AGPAT3: variants seen among roughly 807,000 people sequenced by gnomAD.
AGPAT3 encodes 1-acyl-sn-glycerol-3-phosphate acyltransferase gamma.
Under a neutral mutation model 47.3 loss-of-function variants are expected in AGPAT3, and 5 were observed. That is an observed-to-expected ratio of 0.11 (90% confidence interval 0.06 to 0.22). The LOEUF is 0.22. Among genes scored for constraint, AGPAT3 ranks in the 10% least tolerant of loss-of-function variants. The pLI is 1.00. For synonymous variants in AGPAT3, 212 were observed against 208.3 expected (o/e 1.02, Z -0.15); for missense variants, 315 against 493.0 (o/e 0.64, Z 3.42).
chr21:43,969,834 A>G (rs562697047), intron 5 of AGPAT3, among the ~76,000 whole-genome samples: 1 of 152,052 alleles, frequency 6.6e-6, no homozygotes, highest in Non-Finnish European at 1.5e-5. Flanking sequence ...AGTAGCTGAC[A>G]TTACAGGTGC....
At chr21:43,874,746 C>CT (rs1438589049) in intron 1 of AGPAT3, among the ~76,000 whole-genome samples, 1 of 152,100 alleles carries the variant, frequency 6.6e-6, no homozygotes, top group Non-Finnish European at 1.5e-5. Context: ...GCATGGATTT[C>CT]TTTTTGTTTA....
intron 2 of AGPAT3, among the ~76,000 whole-genome samples, chr21:43,910,707 G>C (rs1002084522): frequency 6.6e-6 from 1 of 152,148 alleles, no homozygotes; most frequent in Non-Finnish European, 1.5e-5. Context: ...TCTGAAGTGT[G>C]ATGTATATGA....
Position 43,959,662 on chromosome 21 carries a change from A to AC in AGPAT3, c.-17dup. ...GGCTGTCCTCAGCGAGGGGCCGTGC[A>AC]CCCGCTCCTGAGCAGCGCCATGGGC... On this transcript the variant is annotated 5_prime_UTR_variant, in exon 3 of 10. Transcript: ENST00000291572. 1 of 1,610,942 alleles carries AC rather than the reference A, an allele frequency of 6.2e-7. No homozygotes were observed. The highest frequency in any genetic ancestry group is 1.3e-5 in the African/African-American group (1 of 75,000).
intron 1 of AGPAT3, among the ~76,000 whole-genome samples, chr21:43,888,121 G>A: frequency 6.6e-6 from 1 of 152,146 alleles, no homozygotes; most frequent in Non-Finnish European, 1.5e-5. Flanking sequence ...GCTCCCTGCA[G>A]CCTCAACCTC....
intron 1 of AGPAT3, among the ~76,000 whole-genome samples, chr21:43,877,799 C>G (rs1229933876): frequency 6.6e-6 from 1 of 152,120 alleles, no homozygotes; most frequent in Non-Finnish European, 1.5e-5. Context: ...AGGCCCATTC[C>G]CATCGTTGTT....
At chr21:43,910,783 A>G (rs1185754728) in intron 2 of AGPAT3, among the ~76,000 whole-genome samples, 1 of 152,246 alleles carries the variant, frequency 6.6e-6, no homozygotes, top group Non-Finnish European at 1.5e-5. Flanking sequence ...GTATTCTGCA[A>G]GGGAAGCTTT....
chr21:43,883,922 G>A (rs562258026), intron 1 of AGPAT3, among the ~76,000 whole-genome samples: 2 of 152,224 alleles, frequency 1.3e-5, no homozygotes, highest in African/African-American at 2.4e-5. Context: ...GAGAGACGGG[G>A]TTTCTCCATG....
chr21:43,879,051 TTTGAAA>T (rs2085796321), intron 1 of AGPAT3, among the ~76,000 whole-genome samples: 1 of 152,130 alleles, frequency 6.6e-6, no homozygotes, highest in Admixed American at 6.5e-5. Context: ...GTCTTCTAGT[TTTGAAA>T]TTCAACATGC....
intron 1 of AGPAT3, among the ~76,000 whole-genome samples, chr21:43,899,424 G>A (rs879556651): frequency 3.3e-5 from 5 of 152,164 alleles, no homozygotes; most frequent in Non-Finnish European, 7.3e-5. Flanking sequence ...AAGAAAGGAC[G>A]ACCACAGGAA....
chr21:43,955,326 C>A lies in AGPAT3; in HGVS notation c.-48-4308C>A. 1 of 1,004,198 alleles carries A rather than the reference C, an allele frequency of 1.0e-6. No homozygotes were observed. The highest frequency in any genetic ancestry group is 1.3e-6 in the Non-Finnish European group (1 of 792,292). 62.2% of individuals were successfully genotyped at this position (1,004,198 alleles called of 1,614,324 possible). A position where few individuals can be genotyped will look rare whatever the true frequency, so the allele number is the denominator to read the frequency against. Reference sequence around the variant, plus strand: ...ACTTGGATGGAAATGTTCCCTGTTGCAGTGTGGTGGGGTCACAGGCGGCTT... The same window carrying A: ...ACTTGGATGGAAATGTTCCCTGTTGAAGTGTGGTGGGGTCACAGGCGGCTT... On this transcript the variant is annotated intron_variant, in intron 2 of 9. Coordinates refer to ENST00000291572, the MANE Select transcript of AGPAT3 (RefSeq NM_020132.5). This position sits in a 1 kb window ranked among gnomAD's most constrained non-coding sequence, Gnocchi z 4.1.
intron 8 of AGPAT3, among the ~76,000 whole-genome samples, chr21:43,979,501 C>G (rs1471541691): frequency 6.6e-6 from 1 of 152,010 alleles, no homozygotes; most frequent in Non-Finnish European, 1.5e-5. Flanking sequence ...TAAAGATTTC[C>G]CCTCATTCAA....
chr21:43,935,658 T>G (rs1201132556), intron 2 of AGPAT3, among the ~76,000 whole-genome samples: 1 of 152,118 alleles, frequency 6.6e-6, no homozygotes, highest in Non-Finnish European at 1.5e-5. Context: ...TGCCTGGCAT[T>G]TGGGGAGTCT....
In AGPAT3 at chr21:43,985,011, G is replaced by A. The variant is rs2147000344; in HGVS notation, c.*2619G>A. On this transcript the variant is annotated 3_prime_UTR_variant, in exon 10 of 10. Transcript: ENST00000291572. Reference sequence around the variant, plus strand: ...ACAGGAAGGGCATTGCTGGCCTGTAGCTCCTGTTACCCACCCAGAGCCAGG... The same window carrying A: ...ACAGGAAGGGCATTGCTGGCCTGTAACTCCTGTTACCCACCCAGAGCCAGG... 1 of 431,416 alleles carries A rather than the reference G, an allele frequency of 2.3e-6. No homozygotes were observed. Among genetic ancestry groups the A allele is most frequent in the Non-Finnish European group, 4.7e-6 (1 of 214,430 alleles). The allele number at this position is 431,416 out of a possible 1,614,324, so 26.7% of individuals were successfully genotyped here.
intron 1 of AGPAT3, among the ~76,000 whole-genome samples, chr21:43,883,144 C>G (rs1047617273): frequency 6.6e-6 from 1 of 152,218 alleles, no homozygotes; most frequent in Non-Finnish European, 1.5e-5. Flanking sequence ...GGGGTGCTGG[C>G]CTGGGGAGCC....
At chr21:43,928,086 C>T (rs1220436114) in intron 2 of AGPAT3, among the ~76,000 whole-genome samples, 2 of 152,182 alleles carry the variant, frequency 1.3e-5, no homozygotes, top group Non-Finnish European at 2.9e-5. Flanking sequence ...ACCAGCCGGA[C>T]GCAGCTCCCG....
At chr21:43,980,303 G>A (rs1347519251) in intron 8 of AGPAT3, among the ~76,000 whole-genome samples, 4 of 145,452 alleles carry the variant, frequency 2.8e-5, no homozygotes, top group Admixed American at 6.9e-5. Context: ...AAAAAAAAAC[G>A]AGAGAGTTGA....
rs867734888 is a variant in AGPAT3, at chr21:43,987,405, G to A, written c.*5013G>A. Among the ~76,000 whole-genome samples, 17 of 152,258 alleles carry A rather than the reference G, an allele frequency of 1.1e-4. No homozygotes were observed. Among genetic ancestry groups the A allele is most frequent in the Middle Eastern group, 3.4e-3 (1 of 294 alleles). On this transcript the variant is annotated 3_prime_UTR_variant, in exon 10 of 10. Transcript: ENST00000291572. ...GAAATCAGCCAGTCCACAAAAATAC[G>A]CAAAATGACCTGATGATGTCCAAAA... is the stretch of plus-strand genomic sequence containing the variant.
At chr21:43,894,215 TTC>T (rs1211590200) in intron 1 of AGPAT3, among the ~76,000 whole-genome samples, 1 of 135,862 alleles carries the variant, frequency 7.4e-6, no homozygotes, top group African/African-American at 2.6e-5. Context: ...CTTTCTTTCT[TTC>T]TTTTTTTTTT....
intron 2 of AGPAT3, among the ~76,000 whole-genome samples, chr21:43,947,378 G>A (rs574128921): frequency 9.2e-5 from 14 of 152,344 alleles, no homozygotes; most frequent in African/African-American, 2.2e-4. Context: ...GCGTGCAGCC[G>A]TGTGGGTCTC....
Sources: gnomAD v4.1 joint callset for allele counts (sites outside exome capture counted in the v4.1 genomes callset) on GRCh38, gnomAD v4.1.1 for gene constraint, Gnocchi (gnomAD v3.1) non-coding constraint, MANE v1.5 for transcripts, NCBI Gene and HGNC (gene_info 2026-07-23, HGNC 2026-07-21) for gene names.